JAZF1: variants seen among roughly 807,000 people sequenced by gnomAD.
JAZF1 encodes JAZF zinc finger 1.
JAZF1 carries 8 observed loss-of-function variants against 26.4 expected under a neutral mutation model. The observed-to-expected ratio is 0.30, with a 90% CI of 0.18 to 0.55. JAZF1 has a LOEUF of 0.55. Ranked by LOEUF, JAZF1 falls within the 20% of genes least tolerant of loss-of-function variation. The pLI is 0.94. For missense variants in JAZF1, 199 were observed against 322.0 expected (o/e 0.62, Z 2.92); for synonymous variants, 126 against 122.3 (o/e 1.03, Z -0.20).
At position 27,856,954 on chromosome 7, in the gene JAZF1, C is replaced by T. The variant is rs956868421; in HGVS notation, c.386-16087G>A. ...TCCCTTAGCTAGACATAAAGATTCT[C>T]CAAGTCTCCACCAGACTCAGGAGCC... On this transcript the variant is annotated intron_variant, in intron 3 of 4. Coordinates refer to ENST00000283928, the MANE Select transcript of JAZF1 (RefSeq NM_175061.4). 2.6e-5 allele frequency among the ~76,000 whole-genome samples: 4 copies of T among 152,242 alleles called. No homozygotes were observed. In the East Asian group the frequency reaches 5.8e-4, roughly 22 times the overall value.
At chr7:28,021,662 C>A (rs1189558421) in intron 1 of JAZF1, among the ~76,000 whole-genome samples, 2 of 152,180 alleles carry the variant, frequency 1.3e-5, no homozygotes, top group Non-Finnish European at 2.9e-5. Context: ...GCACTAGACA[C>A]CAGGCAGGGC....
chr7:28,028,458 G>T (rs1249618200), intron 1 of JAZF1, among the ~76,000 whole-genome samples: 4 of 152,158 alleles, frequency 2.6e-5, no homozygotes, highest in Non-Finnish European at 5.9e-5. Flanking sequence ...CAAACTTCTT[G>T]TGTCCATTGA....
chr7:27,840,615 T>A lies in JAZF1; in HGVS notation c.555+83A>T, dbSNP rs1017162949. Reference sequence around the variant, plus strand: ...CTCCCCCCAGCCCATACGCTCGCTTTAAAATCAAGAAAGGGCTGCTGCCTT... The same window carrying A: ...CTCCCCCCAGCCCATACGCTCGCTTAAAAATCAAGAAAGGGCTGCTGCCTT... On this transcript the variant is annotated intron_variant, in intron 4 of 4. Transcript: ENST00000283928. This position sits in a 1 kb window ranked among gnomAD's most constrained non-coding sequence, Gnocchi z 5.1. 2.8e-6 allele frequency: 4 copies of A among 1,445,372 alleles called. No individual in the cohort carries two copies. The Admixed American group carries it at 7.3e-5, about 26-fold the overall frequency. The allele number at this position is 1,445,372 out of a possible 1,614,324, so 89.5% of individuals were successfully genotyped here.
chr7:28,042,253 G>A (rs543489891), intron 1 of JAZF1, among the ~76,000 whole-genome samples: 3 of 152,274 alleles, frequency 2.0e-5, no homozygotes, highest in South Asian at 2.1e-4. Context: ...TCTGATTACC[G>A]TGCAGGGTGT....
chr7:28,180,078 GCCCAGCT>G (rs1210423687), intron 1 of JAZF1, among the ~76,000 whole-genome samples: 2 of 144,988 alleles, frequency 1.4e-5, no homozygotes, highest in African/African-American at 5.0e-5. Context: ...CCTGCCCAGC[GCCCAGCT>G]CCCGCCGCCC....
chr7:28,048,314 T>C (rs1343484212), intron 1 of JAZF1, among the ~76,000 whole-genome samples: 1 of 152,236 alleles, frequency 6.6e-6, no homozygotes, highest in African/African-American at 2.4e-5. Context: ...ATTAGTTTTA[T>C]TTAATCAAAT....
chr7:28,178,823 A>ACAAGGACGCCTGAAAACTC (rs1466736529), intron 1 of JAZF1, among the ~76,000 whole-genome samples: 1 of 152,272 alleles, frequency 6.6e-6, no homozygotes, highest in Non-Finnish European at 1.5e-5. Context: ...AGAAGCTATT[A>ACAAGGACGCCTGAAAACTC]CAAGGACGCC....
At chr7:27,852,928 C>T (rs192474522) in intron 3 of JAZF1, among the ~76,000 whole-genome samples, 1 of 152,252 alleles carries the variant, frequency 6.6e-6, no homozygotes, top group East Asian at 1.9e-4. Context: ...TTTTGGTAAT[C>T]CCCATTACTA....
chr7:28,072,739 T>A (rs2127911209), intron 1 of JAZF1, among the ~76,000 whole-genome samples: 1 of 152,290 alleles, frequency 6.6e-6, no homozygotes, highest in African/African-American at 2.4e-5. Context: ...AAAGTTGGGA[T>A]GGGGTTGGAG....
intron 3 of JAZF1, among the ~76,000 whole-genome samples, chr7:27,847,151 CTTTT>C (rs80005826): frequency 0.33 from 44,497 of 136,310 alleles, 7,051 homozygotes; most frequent in Middle Eastern, 0.36. Flanking sequence ...GGCTTTTTTT[CTTTT>C]TTTTTTTTTT....
chr7:27,975,983 C>T (rs2128360872), intron 2 of JAZF1, among the ~76,000 whole-genome samples: 1 of 152,316 alleles, frequency 6.6e-6, no homozygotes, highest in African/African-American at 2.4e-5. Flanking sequence ...CAAACTAATT[C>T]TGTTGGAGCA....
intron 1 of JAZF1, among the ~76,000 whole-genome samples, chr7:28,108,193 G>C: frequency 6.6e-6 from 1 of 152,194 alleles, no homozygotes; most frequent in Non-Finnish European, 1.5e-5. Context: ...TGCTCTGCCA[G>C]GCACTGGACT....
chr7:28,179,078 C>A (rs536101910), intron 1 of JAZF1, among the ~76,000 whole-genome samples: 2 of 152,212 alleles, frequency 1.3e-5, no homozygotes, highest in Admixed American at 1.3e-4. Context: ...GTGATTTATT[C>A]TCTCAACTTT....
intron 2 of JAZF1, among the ~76,000 whole-genome samples, chr7:27,941,076 T>C (rs1784839316): frequency 6.6e-6 from 1 of 152,202 alleles, no homozygotes; most frequent in Admixed American, 6.5e-5. Context: ...ATCTGACTAA[T>C]GTTAACAAAT....
intron 1 of JAZF1, among the ~76,000 whole-genome samples, chr7:28,102,051 C>A (rs376678305): frequency 1.2e-4 from 19 of 152,148 alleles, no homozygotes; most frequent in East Asian, 7.7e-4. Flanking sequence ...AGTGGTACCA[C>A]CCTGAGTGGG....
rs557397741 is a variant in JAZF1 at position 28,009,641 on chromosome 7, G to A, written c.116-17660C>T. 2.6e-5 allele frequency among the ~76,000 whole-genome samples: 4 copies of A among 152,094 alleles called. No individual in the cohort carries two copies. In the East Asian group the frequency reaches 7.8e-4, roughly 29 times the overall value. On this transcript the variant is annotated intron_variant, in intron 1 of 4. Coordinates refer to ENST00000283928, the MANE Select transcript of JAZF1 (RefSeq NM_175061.4). ...TGGGACTACAGGCGCATGTCACCAC[G>A]CCCAGCTAAGTTTTTGTATTTTTAG...
At chr7:28,156,303 G>A (rs1783184489) in intron 1 of JAZF1, among the ~76,000 whole-genome samples, 2 of 152,364 alleles carry the variant, frequency 1.3e-5, no homozygotes, top group African/African-American at 2.4e-5. Flanking sequence ...GACTGAGATT[G>A]CTCTGTGTGG....
chr7:27,996,826 C>G (rs1035404120), intron 1 of JAZF1, among the ~76,000 whole-genome samples: 1 of 152,198 alleles, frequency 6.6e-6, no homozygotes, highest in African/African-American at 2.4e-5. Context: ...CTCTGGCACT[C>G]AGCTCAGTGC....
chr7:27,979,787 G>A (rs1785545431), intron 2 of JAZF1, among the ~76,000 whole-genome samples: 1 of 152,064 alleles, frequency 6.6e-6, no homozygotes, highest in Non-Finnish European at 1.5e-5. Context: ...TTTCCTGGGT[G>A]CTATGCCCTT....
Sources: allele counts gnomAD v4.1 joint callset (sites outside exome capture counted in the v4.1 genomes callset), GRCh38; gene constraint gnomAD v4.1.1; non-coding constraint Gnocchi (gnomAD v3.1); transcripts MANE v1.5; gene names NCBI Gene and HGNC (gene_info 2026-07-23, HGNC 2026-07-21).